ESPN: variants seen among roughly 807,000 people sequenced by gnomAD.
ESPN encodes the protein autosomal recessive deafness type 36 protein.
A neutral mutation model predicts 77.7 loss-of-function variants in ESPN; 68 were observed. The observed-to-expected ratio is 0.87, with a 90% CI of 0.72 to 1.07. The LOEUF (loss-of-function observed/expected upper bound fraction) is 1.07. Ranked by LOEUF, ESPN falls within the 50% of genes least tolerant of loss-of-function variation. ESPN has a pLI of 0.00. For synonymous variants in ESPN, 449 were observed against 567.1 expected (o/e 0.79, Z 2.96); for missense variants, 1,060 against 1,239.0 (o/e 0.86, Z 2.17).
chr1:6,458,710 C>T (rs889886551), intron 12 of ESPN, among the ~76,000 whole-genome samples: 1 of 151,110 alleles, frequency 6.6e-6, no homozygotes, highest in Non-Finnish European at 1.5e-5. Context: ...GCGGGTGGAT[C>T]ACCTGAGGTC....
chr1:6,428,545 A>C lies in ESPN; in HGVS notation c.488+126A>C. ...TCCCTCCAGTGGCCATCCTGGGGCC[A>C]GAGGGCCAGGCCAGAGAAATGGCTC... On this transcript the variant is annotated intron_variant, in intron 2 of 12. Transcript: ENST00000645284. The surrounding 1 kb of genome is among the most constrained non-coding windows in gnomAD (Gnocchi z 5.4). 1 of 838,690 alleles carries C rather than the reference A, an allele frequency of 1.2e-6. No homozygotes were observed. The highest frequency in any genetic ancestry group is 1.8e-6 in the Non-Finnish European group (1 of 543,638). 52.0% of individuals were successfully genotyped at this position (838,690 alleles called of 1,614,324 possible). A position where few individuals can be genotyped will look rare whatever the true frequency, so the allele number is the denominator to read the frequency against.
At chr1:6,441,542 G>A (rs1643637675) in intron 5 of ESPN, among the ~76,000 whole-genome samples, 1 of 152,194 alleles carries the variant, frequency 6.6e-6, no homozygotes, top group Admixed American at 6.5e-5. Context: ...CCATACATTT[G>A]CTGACTTCAT....
chr1:6,442,648 T>C (rs1643681132), intron 5 of ESPN, among the ~76,000 whole-genome samples: 1 of 148,108 alleles, frequency 6.8e-6, no homozygotes, highest in African/African-American at 2.5e-5. Flanking sequence ...GGCGGGCAGA[T>C]CACAAGGTCA....
At chr1:6,449,591 C>G (rs1201445133) in intron 8 of ESPN, among the ~76,000 whole-genome samples, 1 of 152,220 alleles carries the variant, frequency 6.6e-6, no homozygotes, top group African/African-American at 2.4e-5. Context: ...TCCTTCCAAG[C>G]AGCACAGACC....
chr1:6,454,635 C>CAGCT (rs1450220536), intron 10 of ESPN: 15 of 398,844 alleles, frequency 3.8e-5, no homozygotes, highest in Non-Finnish European at 5.8e-5. Flanking sequence ...GGAGCTGGAG[C>CAGCT]AGCTGCTGCC....
At chr1:6,435,374 C>T (rs1643400500) in intron 2 of ESPN, among the ~76,000 whole-genome samples, 1 of 152,268 alleles carries the variant, frequency 6.6e-6, no homozygotes, top group South Asian at 2.1e-4. Flanking sequence ...TGGCAGTCAG[C>T]TGGCACCAGT....
At chr1:6,434,381 C>G (rs528510785) in intron 2 of ESPN, among the ~76,000 whole-genome samples, 13 of 152,290 alleles carry the variant, frequency 8.5e-5, no homozygotes, top group African/African-American at 3.1e-4. Flanking sequence ...CCCATCTGTC[C>G]CTGACTAATG....
intron 5 of ESPN, among the ~76,000 whole-genome samples, chr1:6,442,525 G>A (rs906840021): frequency 4.7e-5 from 7 of 147,964 alleles, no homozygotes; most frequent in African/African-American, 1.8e-4. Flanking sequence ...AGTAAGCCAA[G>A]ATCGCGCCAC....
rs1197189269 is a variant in ESPN, at chr1:6,451,010, A to G, written c.1916-593A>G. Among the ~76,000 whole-genome samples, 1 of 152,076 alleles carries G rather than the reference A, an allele frequency of 6.6e-6. No homozygotes were observed. The highest frequency in any genetic ancestry group is 1.5e-5 in the Non-Finnish European group (1 of 68,008). Reference sequence around the variant, plus strand: ...CTGCTTTCCTGGGCCCCTAGAGCTGAGCCATGCTTTGCCATAAAGGTGCTC... The same window carrying G: ...CTGCTTTCCTGGGCCCCTAGAGCTGGGCCATGCTTTGCCATAAAGGTGCTC... On this transcript the variant is annotated intron_variant, in intron 8 of 12. Transcript: ENST00000645284. This position sits in a 1 kb window ranked among gnomAD's most constrained non-coding sequence, Gnocchi z 4.3.
chr1:6,446,259 T>G (rs1271968719), intron 7 of ESPN, among the ~76,000 whole-genome samples: 1 of 152,052 alleles, frequency 6.6e-6, no homozygotes, highest in African/African-American at 2.4e-5. Flanking sequence ...TGACAGAGAA[T>G]GCATGGAGAC....
rs1013267423 is a variant in ESPN, at chr1:6,450,516, G to GT, written c.1916-1086dup. The GT allele has an allele frequency of 5.3e-6, 5 of 936,502 alleles. No homozygotes were observed. In the African/African-American group the frequency reaches 8.9e-5, roughly 17 times the overall value. 58.0% of individuals were successfully genotyped at this position (936,502 alleles called of 1,614,324 possible). A position where few individuals can be genotyped will look rare whatever the true frequency, so the allele number is the denominator to read the frequency against. On this transcript the variant is annotated intron_variant, in intron 8 of 12. Coordinates refer to ENST00000645284, the MANE Select transcript of ESPN (RefSeq NM_031475.3). This position sits in a 1 kb window ranked among gnomAD's most constrained non-coding sequence, Gnocchi z 4.3. Reference sequence around the variant, plus strand: ...CTCCTGGCTGAGGCTGAGGCGCGGGGTGGGGGGAAGAGGCAGGAAAAGCAA... The same window carrying GT: ...CTCCTGGCTGAGGCTGAGGCGCGGGGTTGGGGGGAAGAGGCAGGAAAAGCAA...
chr1:6,460,801 G>C lies in ESPN; in HGVS notation c.*655G>C. 4.8e-6 allele frequency: 1 copy of C among 209,696 alleles called. No individual in the cohort carries two copies. Among genetic ancestry groups the C allele is most frequent in the Non-Finnish European group, 9.7e-6 (1 of 102,634 alleles). 13.0% of individuals were successfully genotyped at this position (209,696 alleles called of 1,614,324 possible). On this transcript the variant is annotated 3_prime_UTR_variant, in exon 13 of 13. Transcript: ENST00000645284. ...TCCCCAGCCAGACCCACTCGCTGCC[G>C]GGACCCTTTCACTGCCCCGGTGGAG...
intron 7 of ESPN, 70 bp from the exon 8 acceptor site, chr1:6,448,571 T>A: frequency 7.2e-7 from 1 of 1,380,638 alleles, no homozygotes; most frequent in Non-Finnish European, 9.7e-7. Flanking sequence ...GGTGAAGAGC[T>A]GGGTGGGGAG....
Position 6,428,442 on chromosome 1 carries a change from G to A in ESPN, c.488+23G>A, listed in dbSNP as rs546577352. On this transcript the variant is annotated intron_variant, in intron 2 of 12. Transcript: ENST00000645284. The surrounding 1 kb of genome is among the most constrained non-coding windows in gnomAD (Gnocchi z 5.4). ...TGAGTAAGATCACCCCTCTTAAGGGGTCCTCTGGGTGGGCTGGGCCAGGGC... is the reference window on the plus strand; with the variant it reads ...TGAGTAAGATCACCCCTCTTAAGGGATCCTCTGGGTGGGCTGGGCCAGGGC... 6.3e-7 allele frequency: 1 copy of A among 1,588,900 alleles called. No individual in the cohort carries two copies. Among genetic ancestry groups the A allele is most frequent in the African/African-American group, 1.3e-5 (1 of 74,324 alleles).
rs1643900607 is a variant in ESPN, at chr1:6,448,993, T to C, written c.1817T>C (p.Leu606Pro). The change falls in exon 8 of 13, where the codon CTG becomes CCG. Residue 606 changes from leucine to proline, a missense_variant. Physicochemically the swap from Leu to Pro is moderately conservative, Grantham distance 98. Transcript: ENST00000645284. Reference sequence around the variant, plus strand: ...CCGCCCCCACCGCCGCCGCCGCCCCTGCCGGAGGCCGCGAGTTCGCCACCG... The same window carrying C: ...CCGCCCCCACCGCCGCCGCCGCCCCCGCCGGAGGCCGCGAGTTCGCCACCG... ...PPPPPPPPPP[L>P]PEAASSPPPA... 6 of 1,448,032 alleles carry C rather than the reference T, an allele frequency of 4.1e-6. No individual in the cohort carries two copies. The highest frequency in any genetic ancestry group is 5.4e-6 in the Non-Finnish European group (6 of 1,106,206). The allele number at this position is 1,448,032 out of a possible 1,614,324, so 89.7% of individuals were successfully genotyped here. A position where few individuals can be genotyped will look rare whatever the true frequency, so the allele number is the denominator to read the frequency against.
At chr1:6,435,466 G>A (rs1475227901) in intron 2 of ESPN, among the ~76,000 whole-genome samples, 2 of 152,240 alleles carry the variant, frequency 1.3e-5, no homozygotes, top group Non-Finnish European at 2.9e-5. Flanking sequence ...AATAGTTACA[G>A]TTCATCCATA....
At chr1:6,445,184 C>T (rs1395119955) in intron 6 of ESPN, among the ~76,000 whole-genome samples, 3 of 152,206 alleles carry the variant, frequency 2.0e-5, no homozygotes, top group Non-Finnish European at 2.9e-5. Context: ...AAATGCGTAC[C>T]CCCTCAAACA....
At chr1:6,436,303 G>A (rs1569620270) in intron 2 of ESPN, among the ~76,000 whole-genome samples, 1 of 152,122 alleles carries the variant, frequency 6.6e-6, no homozygotes, top group Non-Finnish European at 1.5e-5. Context: ...TCTGTACCAG[G>A]AGAACAATGC....
At position 6,437,650 on chromosome 1, in the gene ESPN, G is replaced by A. The variant is rs1643483683; in HGVS notation, c.489-2604G>A. On this transcript the variant is annotated intron_variant, in intron 2 of 12. Coordinates refer to ENST00000645284, the MANE Select transcript of ESPN (RefSeq NM_031475.3). This position sits in a 1 kb window ranked among gnomAD's most constrained non-coding sequence, Gnocchi z 4.5. ...GGACCCCCTCTGGATCACCAGGCAT[G>A]GTGCCTGCTCCCCGCACCATCGTGA... is the stretch of plus-strand genomic sequence containing the variant. 6.6e-6 allele frequency: 1 copy of A among 152,170 alleles called. No homozygotes were observed. The highest frequency in any genetic ancestry group is 6.5e-5 in the Admixed American group (1 of 15,268). The allele number at this position is 152,170 out of a possible 1,614,324, so 9.4% of individuals were successfully genotyped here. A position where few individuals can be genotyped will look rare whatever the true frequency, so the allele number is the denominator to read the frequency against.
Sources: allele counts gnomAD v4.1 joint callset (sites outside exome capture counted in the v4.1 genomes callset), GRCh38; gene constraint gnomAD v4.1.1; non-coding constraint Gnocchi (gnomAD v3.1); transcripts MANE v1.5; gene names NCBI Gene and HGNC (gene_info 2026-07-23, HGNC 2026-07-21).